Variants in PGM2L1 observed in about 807,000 individuals in gnomAD.
The protein encoded by PGM2L1 is phosphoglucomutase 2 like 1.
In PGM2L1, 35 loss-of-function variants were observed where a neutral mutation model predicts 73.4. The ratio of observed to expected loss-of-function variants is 0.48; its 90% confidence interval spans 0.36 to 0.63. The LOEUF is 0.63. PGM2L1 is among the 30% of genes least tolerant of loss of function. The pLI, the probability that PGM2L1 is intolerant of heterozygous loss-of-function variation, is 0.00. For synonymous variants in PGM2L1, 225 were observed against 253.8 expected (o/e 0.89, Z 1.08); for missense variants, 570 against 742.0 (o/e 0.77, Z 2.69).
At chr11:74,376,936 A>G (rs1862862711) in intron 1 of PGM2L1, among the ~76,000 whole-genome samples, 1 of 152,194 alleles carries the variant, frequency 6.6e-6, no homozygotes, top group Non-Finnish European at 1.5e-5. Flanking sequence ...ACAGTGAGAC[A>G]TTAATTTAGA....
At chr11:74,374,233 G>A (rs1225594286) in intron 2 of PGM2L1, among the ~76,000 whole-genome samples, 182 bp downstream of exon 2, 1 of 151,984 alleles carries the variant, frequency 6.6e-6, no homozygotes, top group African/African-American at 2.4e-5. Context: ...ACAGGCACAC[G>A]CCATCATGCC....
rs562177347 is a variant in PGM2L1 at position 74,382,218 on chromosome 11, G to C, written c.112-7636C>G. On this transcript the variant is annotated intron_variant, in intron 1 of 13. Coordinates refer to ENST00000298198, the MANE Select transcript of PGM2L1 (RefSeq NM_173582.6). Reference sequence around the variant, plus strand: ...TTAATTATCTTTCACAGTTTCTATGGGTTAGGAATTCAGAAAGGGCACAGC... The same window carrying C: ...TTAATTATCTTTCACAGTTTCTATGCGTTAGGAATTCAGAAAGGGCACAGC... Among the ~76,000 whole-genome samples the C allele has an allele frequency of 1.1e-3, 163 of 152,282 alleles. 2 individuals carry two copies. The highest frequency in any genetic ancestry group is 1.5e-3 in the South Asian group (7 of 4,818).
In PGM2L1 at chr11:74,338,581, G is replaced by C. The variant is rs1471840311; in HGVS notation, c.1653C>G (p.Asn551Lys). Residue 551 changes from asparagine (N) to lysine (K), a missense_variant, in exon 13 of 14, where the codon AAC becomes AAG. Physicochemically the swap from Asn to Lys is moderately conservative, Grantham distance 94 (BLOSUM62 0). Coordinates refer to ENST00000298198, the MANE Select transcript of PGM2L1 (RefSeq NM_173582.6). ...NKKSVLPVSK[N>K]SQMITFTFQN... ...GAAAAGTAAATGTAATCATTTGGCT[G>C]TTTTTACTCACAGGCAGCACCTATG... 6.2e-7 allele frequency: 1 copy of C among 1,602,578 alleles called. No individual in the cohort carries two copies. Among genetic ancestry groups the C allele is most frequent in the Admixed American group, 1.7e-5 (1 of 59,914 alleles).
intron 5 of PGM2L1, among the ~76,000 whole-genome samples, chr11:74,356,031 G>A (rs1862448845): frequency 6.6e-6 from 1 of 151,448 alleles, no homozygotes; most frequent in South Asian, 2.1e-4. Flanking sequence ...GTAATAGTCT[G>A]ATCATGATGC....
Position 74,392,558 on chromosome 11 carries a change from TG to T in PGM2L1, c.111+5492del, listed in dbSNP as rs1204275231. Among the ~76,000 whole-genome samples the T allele has an allele frequency of 2.0e-5, 3 of 152,128 alleles. No homozygotes were observed. In the East Asian group the frequency reaches 5.8e-4, roughly 29 times the overall value. On this transcript the variant is annotated intron_variant, in intron 1 of 13. Coordinates refer to ENST00000298198, the MANE Select transcript of PGM2L1 (RefSeq NM_173582.6). ...GCCAATAAAATAGTTTTTTTTTTTT[TG>T]AGACGGAGTCTGGCTCTGTCGCCCA...
At chr11:74,338,820 A>C (rs896652287) in intron 12 of PGM2L1, among the ~76,000 whole-genome samples, 2 of 152,240 alleles carry the variant, frequency 1.3e-5, no homozygotes, top group African/African-American at 4.8e-5. Context: ...AAAGTTCTAG[A>C]GCTCTGTCGC....
At position 74,332,321 on chromosome 11, in the gene PGM2L1, T is replaced by C. The variant is rs1862027714; in HGVS notation, c.*4331A>G. 1 of 152,236 alleles carries C rather than the reference T, an allele frequency of 6.6e-6. No individual in the cohort carries two copies. The highest frequency in any genetic ancestry group is 1.5e-5 in the Non-Finnish European group (1 of 68,040). The allele number at this position is 152,236 out of a possible 1,614,324, so 9.4% of individuals were successfully genotyped here. A position where few individuals can be genotyped will look rare whatever the true frequency, so the allele number is the denominator to read the frequency against. ...ACAAGTGAATTGTAAAAGGCCGTAATAAATTAACATATAGCAGTATGCAGA... is the reference window on the plus strand; with the variant it reads ...ACAAGTGAATTGTAAAAGGCCGTAACAAATTAACATATAGCAGTATGCAGA... On this transcript the variant is annotated 3_prime_UTR_variant, in exon 14 of 14. Transcript: ENST00000298198.
chr11:74,342,029 G>A (rs1248123626), intron 12 of PGM2L1, among the ~76,000 whole-genome samples: 1 of 152,084 alleles, frequency 6.6e-6, no homozygotes, highest in Non-Finnish European at 1.5e-5. Context: ...AGGGGAACTA[G>A]AGGTTGCTTT....
chr11:74,354,391 C>A (rs1862409171), intron 5 of PGM2L1: 3 of 585,790 alleles, frequency 5.1e-6, no homozygotes, highest in Non-Finnish European at 6.1e-6. Flanking sequence ...CTGCTTTCTG[C>A]CCGTGGATGC....
At chr11:74,371,491 T>C (rs1862752708) in intron 3 of PGM2L1, among the ~76,000 whole-genome samples, 1 of 152,220 alleles carries the variant, frequency 6.6e-6, no homozygotes. Flanking sequence ...ATTCTAAATA[T>C]GAACTCTAAA....
intron 5 of PGM2L1, among the ~76,000 whole-genome samples, chr11:74,361,560 C>G (rs140743644): frequency 0.028 from 4,326 of 152,194 alleles, 198 homozygotes; most frequent in African/African-American, 0.097. Flanking sequence ...ATGACTTTGA[C>G]GAGTTGAGAG....
At chr11:74,381,309 C>T (rs1478373157) in intron 1 of PGM2L1, among the ~76,000 whole-genome samples, 1 of 152,148 alleles carries the variant, frequency 6.6e-6, no homozygotes, top group Non-Finnish European at 1.5e-5. Context: ...ATGTGCACCA[C>T]TTCCATGCCT....
intron 1 of PGM2L1, 38 bp downstream of exon 1, chr11:74,398,013 G>A: frequency 7.6e-6 from 12 of 1,569,234 alleles, no homozygotes; most frequent in Non-Finnish European, 1.0e-5. Context: ...ACTGTGTGGG[G>A]GAGGCGACGG....
chr11:74,363,310 T>A, intron 5 of PGM2L1, among the ~76,000 whole-genome samples: 1 of 151,762 alleles, frequency 6.6e-6, no homozygotes, highest in Admixed American at 6.6e-5. Flanking sequence ...ATTGACACCC[T>A]AACATCACAA....
chr11:74,334,517 G>A lies in PGM2L1; in HGVS notation c.*2135C>T, dbSNP rs1201519357. ...GAAAACAAACTCATTGAGAAAAATG[G>A]TGCTCTACATTTAGCTAGCTGTCTA... On this transcript the variant is annotated 3_prime_UTR_variant, in exon 14 of 14. Coordinates refer to ENST00000298198, the MANE Select transcript of PGM2L1 (RefSeq NM_173582.6). The A allele has an allele frequency of 6.6e-6, 1 of 152,074 alleles. No homozygotes were observed. Among genetic ancestry groups the A allele is most frequent in the Admixed American group, 6.5e-5 (1 of 15,272 alleles). 9.4% of individuals were successfully genotyped at this position (152,074 alleles called of 1,614,324 possible). A position where few individuals can be genotyped will look rare whatever the true frequency, so the allele number is the denominator to read the frequency against.
intron 12 of PGM2L1, 24 bp downstream of exon 12, chr11:74,342,437 T>C (rs1862196540): frequency 1.4e-6 from 2 of 1,409,832 alleles, no homozygotes; most frequent in Non-Finnish European, 1.9e-6. Flanking sequence ...TCTAAATTGT[T>C]TGGAAAAAAA....
chr11:74,352,856 A>G (rs1341830263), intron 5 of PGM2L1, among the ~76,000 whole-genome samples: 1 of 152,174 alleles, frequency 6.6e-6, no homozygotes, highest in Non-Finnish European at 1.5e-5. Flanking sequence ...AGAACTGTCC[A>G]TTTATCTGGT....
At chr11:74,348,529 C>T (rs1862302537) in intron 6 of PGM2L1, among the ~76,000 whole-genome samples, 1 of 152,068 alleles carries the variant, frequency 6.6e-6, no homozygotes, top group Admixed American at 6.6e-5. Context: ...TTACATCTAA[C>T]AAAATCAACA....
At chr11:74,347,021 C>A in intron 7 of PGM2L1, 127 bp downstream of exon 7, 2 of 982,914 alleles carry the variant, frequency 2.0e-6, no homozygotes, top group South Asian at 1.9e-5. Context: ...ATTATTACTC[C>A]AATACAATTA....
Sources: gnomAD v4.1 joint callset for allele counts (sites outside exome capture counted in the v4.1 genomes callset) on GRCh38, gnomAD v4.1.1 for gene constraint, MANE v1.5 for transcripts, NCBI Gene and HGNC (gene_info 2026-07-23, HGNC 2026-07-21) for gene names.